Variants in PWWP2A observed in about 807,000 individuals in gnomAD.
PWWP2A encodes the protein PWWP domain containing 2A.
A neutral mutation model predicts 48.5 loss-of-function variants in PWWP2A; 18 were observed. That is an observed-to-expected ratio of 0.37 (90% CI 0.26 to 0.55). The LOEUF is 0.55. PWWP2A is among the 20% of genes least tolerant of loss of function. The probability of loss-of-function intolerance (pLI) is 0.81; values close to 1 mark genes in which losing one functional copy is unlikely to be tolerated. For synonymous variants in PWWP2A, 396 were observed against 387.7 expected (o/e 1.02, Z -0.25); for missense variants, 867 against 976.4 (o/e 0.89, Z 1.49).
the PWWP2A span, among the ~76,000 whole-genome samples, chr5:160,056,604 T>C: frequency 6.6e-6 from 1 of 152,132 alleles, no homozygotes; most frequent in Non-Finnish European, 1.5e-5. Flanking sequence ...GTGCCTGTAG[T>C]CTCAGCCACT....
At chr5:160,079,812 T>A (rs1354514607) in intron 3 of PWWP2A, among the ~76,000 whole-genome samples, 1 of 152,174 alleles carries the variant, frequency 6.6e-6, no homozygotes, top group Non-Finnish European at 1.5e-5. Context: ...TAGCTACCAC[T>A]CCTACGCAGA....
At chr5:160,089,760 C>T, downstream of PWWP2A, 1 of 1,204,328 alleles carries the variant, frequency 8.3e-7, no homozygotes. Flanking sequence ...ACTTAAGCCG[C>T]AGATTTGGTC....
Position 160,119,027 on chromosome 5 carries a change from G to C in PWWP2A, c.362C>G (p.Pro121Arg). Residue 121 changes from proline to arginine, a missense_variant, in exon 1 of 2, where the codon CCG becomes CGG. Around this residue, in one of 4 missense-constraint regions of PWWP2A, gnomAD observed 385 missense variants for 396.9 expected, o/e 0.97. Coordinates refer to ENST00000307063, the MANE Select transcript of PWWP2A (RefSeq NM_001130864.2). ...PELPPSPASP[P>R]EQPPAPEERE... is the part of the protein sequence containing the mutation. The stretch of plus-strand genomic sequence containing the variant: ...CTCCTCGGGAGCCGGGGGCTGCTCC[G>C]GCGGCGATGCAGGAGAAGGTGGAAG... 6.3e-7 allele frequency: 1 copy of C among 1,598,232 alleles called. No individual in the cohort carries two copies. Among genetic ancestry groups the C allele is most frequent in the South Asian group, 1.1e-5 (1 of 90,316 alleles).
chr5:160,086,984 T>C (rs1340589818), downstream of PWWP2A, among the ~76,000 whole-genome samples: 2 of 152,252 alleles, frequency 1.3e-5, no homozygotes, highest in Non-Finnish European at 2.9e-5. Context: ...TAAAAGTTTA[T>C]GTTACTGGAA....
At chr5:160,070,117 A>G (rs568556318) in intron 2 of PWWP2A, among the ~76,000 whole-genome samples, 86 of 152,210 alleles carry the variant, frequency 5.7e-4, no homozygotes, top group African/African-American at 2.0e-3. Flanking sequence ...TCATTCTTTC[A>G]TTTTACTCAT....
At chr5:160,108,130 T>A (rs988528292) in intron 1 of PWWP2A, among the ~76,000 whole-genome samples, 7 of 151,824 alleles carry the variant, frequency 4.6e-5, no homozygotes, top group Admixed American at 1.3e-4. Context: ...CAGGATTATT[T>A]TTTTTTTCTT....
rs1370444545 is a variant in PWWP2A at position 160,077,604 on chromosome 5, G to A, written c.*551C>T. 1 of 152,536 alleles carries A rather than the reference G, an allele frequency of 6.6e-6. No individual in the cohort carries two copies. Among genetic ancestry groups the A allele is most frequent in the African/African-American group, 2.4e-5 (1 of 41,464 alleles). 9.4% of individuals were successfully genotyped at this position (152,536 alleles called of 1,614,324 possible). ...GGCGGGGCACTTTGCCATCCTTTCA[G>A]CAGGATGTTATTTTCTGTTGTTTCT... On this transcript the variant is annotated 3_prime_UTR_variant, in exon 4 of 4. Transcript: ENST00000456329. This position sits in a 1 kb window ranked among gnomAD's most constrained non-coding sequence, Gnocchi z 4.2.
At position 160,115,137 on chromosome 5, in the gene PWWP2A, C is replaced by CAAAAAAAAA. The variant is rs535110852; in HGVS notation, c.584+3659_584+3667dup. ...CCTGGGTAACAGAGGGAGACTCTGT[C>CAAAAAAAAA]AAAAAAAAAAAAAAAAAAAAAAAAA... On this transcript the variant is annotated intron_variant, in intron 1 of 1. Transcript: ENST00000307063. Among the ~76,000 whole-genome samples, 42 of 88,416 alleles carry CAAAAAAAAA rather than the reference C, an allele frequency of 4.8e-4. 4 individuals carry two copies. Among genetic ancestry groups the CAAAAAAAAA allele is most frequent in the African/African-American group, 2.1e-3 (36 of 17,552 alleles). The allele number at this position is 88,416 out of a possible 152,430, so 58.0% of individuals were successfully genotyped here.
intron 2 of PWWP2A, among the ~76,000 whole-genome samples, chr5:160,067,025 G>A (rs965269796): frequency 5.3e-5 from 8 of 152,236 alleles, no homozygotes; most frequent in Non-Finnish European, 1.2e-4. Context: ...GGGTGACAGC[G>A]AGACCTTGTC....
intron 1 of PWWP2A, among the ~76,000 whole-genome samples, chr5:160,103,297 G>A (rs1228313452): frequency 6.6e-6 from 1 of 152,052 alleles, no homozygotes; most frequent in Non-Finnish European, 1.5e-5. Flanking sequence ...TCTATGCAAA[G>A]AAAGCACACA....
intron 1 of PWWP2A, among the ~76,000 whole-genome samples, chr5:160,117,175 G>A (rs1029885586): frequency 2.0e-5 from 3 of 150,036 alleles, no homozygotes; most frequent in Admixed American, 2.0e-4. Flanking sequence ...AAACAGGAGT[G>A]CAGGCCGGGC....
chr5:160,102,884 G>A (rs1756463793), intron 1 of PWWP2A, among the ~76,000 whole-genome samples: 1 of 152,184 alleles, frequency 6.6e-6, no homozygotes, highest in African/African-American at 2.4e-5. Context: ...GCAAGTAAAT[G>A]TAATACATAA....
At chr5:160,088,043 C>T (rs1364295191), downstream of PWWP2A, among the ~76,000 whole-genome samples, 2 of 152,236 alleles carry the variant, frequency 1.3e-5, no homozygotes, top group South Asian at 4.1e-4. Flanking sequence ...ATTTTTTAAT[C>T]CTGTTCTTTT....
chr5:160,107,156 C>T (rs1052237397), intron 1 of PWWP2A, among the ~76,000 whole-genome samples: 2 of 152,034 alleles, frequency 1.3e-5, no homozygotes, highest in Non-Finnish European at 2.9e-5. Context: ...ACAGGCTTAA[C>T]AAATTGATTG....
At chr5:160,107,901 T>C (rs1757059223) in intron 1 of PWWP2A, among the ~76,000 whole-genome samples, 1 of 152,072 alleles carries the variant, frequency 6.6e-6, no homozygotes, top group Non-Finnish European at 1.5e-5. Context: ...CTAGGAAGGC[T>C]GAGGCACAAG....
the PWWP2A span, chr5:160,051,183 G>A: frequency 1.7e-5 from 27 of 1,608,478 alleles, no homozygotes; most frequent in Middle Eastern, 4.5e-3. Context: ...AGAGATGTTA[G>A]GTAAGCTTAC....
chr5:160,089,683 A>C (rs969917248), downstream of PWWP2A: 9 of 1,280,082 alleles, frequency 7.0e-6, no homozygotes, highest in Non-Finnish European at 9.1e-6. Context: ...AGACATTCTT[A>C]GCTTTCACAA....
Position 160,093,517 on chromosome 5 carries a change from T to C in PWWP2A, c.1133A>G (p.Glu378Gly). The change falls in exon 2 of 2, where the codon GAA (glutamate) becomes GGA (glycine). Residue 378 changes from glutamate (E) to glycine (G), a missense_variant. Physicochemically the swap from Glu to Gly is moderately conservative, Grantham distance 98. Around this residue, in one of 4 missense-constraint regions of PWWP2A, gnomAD observed 382 missense variants for 407.2 expected, o/e 0.94. Coordinates refer to ENST00000307063, the MANE Select transcript of PWWP2A (RefSeq NM_001130864.2). This position sits in a 1 kb window ranked among gnomAD's most constrained non-coding sequence, Gnocchi z 5.8. ...DHKVDGKNQN[E>G]SQKRNAVVKV... ...AACCACAGCATTTCTTTTCTGGCTT[T>C]CATTTTGGTTTTTCCCATCCACTTT... The C allele has an allele frequency of 6.2e-7, 1 of 1,613,972 alleles. No homozygotes were observed. Among genetic ancestry groups the C allele is most frequent in the South Asian group, 1.1e-5 (1 of 91,068 alleles).
At chr5:160,118,720 AGGGCTCGGGGAGAGGGGGCCGCCC>A in intron 1 of PWWP2A, 61 bp downstream of exon 1, 3 of 1,264,210 alleles carry the variant, frequency 2.4e-6, no homozygotes. Flanking sequence ...CGGGGAAGCG[AGGGCTCGGGGAGAGGGGGCCGCCC>A]GGGCTCACTC....
Sources: gnomAD v4.1 joint callset for allele counts (sites outside exome capture counted in the v4.1 genomes callset) on GRCh38, gnomAD v4.1.1 for gene constraint, gnomAD v4.1.1 regional missense constraint, Gnocchi (gnomAD v3.1) non-coding constraint, MANE v1.5 for transcripts, NCBI Gene and HGNC (gene_info 2026-07-23, HGNC 2026-07-21) for gene names.